Variants in DGKB observed in about 807,000 individuals in gnomAD.
DGKB encodes the protein 90 kDa diacylglycerol kinase.
A neutral mutation model predicts 114.3 loss-of-function variants in DGKB; 67 were observed. The observed-to-expected ratio is 0.59, with a 90% confidence interval of 0.48 to 0.72. The LOEUF (loss-of-function observed/expected upper bound fraction) is 0.72. DGKB is among the 30% of genes least tolerant of loss of function. The pLI, the probability that DGKB is intolerant of heterozygous loss-of-function variation, is 0.00. For synonymous variants in DGKB, 398 were observed against 323.1 expected (o/e 1.23, Z -2.49); for missense variants, 907 against 975.2 (o/e 0.93, Z 0.93).
intron 23 of DGKB, among the ~76,000 whole-genome samples, chr7:14,295,609 A>AC (rs1176934975): frequency 4.4e-4 from 67 of 152,060 alleles, no homozygotes; most frequent in African/African-American, 1.6e-3. Flanking sequence ...GTTTATTTTC[A>AC]ATACAACTAT....
At chr7:14,857,262 G>GTGTGTGTGTGTGGGTGTGTC (rs1850308878) in intron 1 of DGKB, among the ~76,000 whole-genome samples, 1 of 150,676 alleles carries the variant, frequency 6.6e-6, no homozygotes, top group East Asian at 2.0e-4. Flanking sequence ...GTGTGTTTGT[G>GTGTGTGTGTGTGGGTGTGTC]TGTGTGTGTG....
intron 1 of DGKB, among the ~76,000 whole-genome samples, chr7:14,850,259 T>G (rs952400153): frequency 2.6e-5 from 4 of 152,174 alleles, no homozygotes; most frequent in African/African-American, 9.7e-5. Flanking sequence ...GAAGACTGAC[T>G]CATCAACCCT....
intron 20 of DGKB, among the ~76,000 whole-genome samples, chr7:14,557,182 A>G (rs985788406): frequency 6.6e-6 from 1 of 152,298 alleles, no homozygotes; most frequent in South Asian, 2.1e-4. Context: ...CTTAAATTTA[A>G]GAACCACTAT....
At chr7:14,347,922 G>A (rs1209975817) in intron 21 of DGKB, among the ~76,000 whole-genome samples, 2 of 151,882 alleles carry the variant, frequency 1.3e-5, no homozygotes, top group Non-Finnish European at 2.9e-5. Flanking sequence ...CCTTAATAAA[G>A]CTGGGGAATA....
At chr7:14,568,643 A>G (rs1797941534) in intron 20 of DGKB, among the ~76,000 whole-genome samples, 1 of 152,160 alleles carries the variant, frequency 6.6e-6, no homozygotes. Flanking sequence ...GTGAGGAAAA[A>G]CTGATTTTTA....
At chr7:14,907,540 C>T (rs1490263868), upstream of DGKB, among the ~76,000 whole-genome samples, 2 of 152,218 alleles carry the variant, frequency 1.3e-5, no homozygotes, top group African/African-American at 4.8e-5. Context: ...TGTGCGCTTA[C>T]ATGTATACGT....
At chr7:14,464,995 CAG>C (rs1373842895) in intron 21 of DGKB, among the ~76,000 whole-genome samples, 3 of 152,248 alleles carry the variant, frequency 2.0e-5, no homozygotes, top group African/African-American at 7.2e-5. Flanking sequence ...GTAGCAGCGA[CAG>C]GGGCGACTCT....
At chr7:14,627,931 A>C (rs1327741292) in intron 14 of DGKB, among the ~76,000 whole-genome samples, 3 of 139,720 alleles carry the variant, frequency 2.1e-5, no homozygotes, top group Non-Finnish European at 4.6e-5. Context: ...AGACAGAGTG[A>C]GACCTTGTCT....
intron 6 of DGKB, among the ~76,000 whole-genome samples, chr7:14,709,243 A>G (rs1453832252): frequency 6.6e-6 from 1 of 151,956 alleles, no homozygotes; most frequent in Non-Finnish European, 1.5e-5. Context: ...CATCAGAGAA[A>G]TGCAAATCAA....
chr7:14,470,849 T>C (rs1370726423), intron 21 of DGKB, among the ~76,000 whole-genome samples: 1 of 151,614 alleles, frequency 6.6e-6, no homozygotes, highest in African/African-American at 2.4e-5. Context: ...ATCATCATGA[T>C]GTAAGACAAT....
intron 1 of DGKB, among the ~76,000 whole-genome samples, chr7:14,928,051 CTG>C (rs1346983839): frequency 6.6e-6 from 1 of 151,866 alleles, no homozygotes; most frequent in Non-Finnish European, 1.5e-5. Context: ...ATGAAATAGT[CTG>C]TGAATTTGAA....
intron 21 of DGKB, among the ~76,000 whole-genome samples, chr7:14,414,239 A>C (rs145989860): frequency 0.018 from 2,751 of 152,238 alleles, 90 homozygotes; most frequent in African/African-American, 0.061. Flanking sequence ...AGTTCGAGAT[A>C]AGTGAGTATA....
Position 14,718,634 on chromosome 7 carries a change from G to C in DGKB, c.374C>G (p.Ala125Gly). Residue 125 changes from alanine to glycine, a missense_variant, in exon 6 of 26, where the codon GCA becomes GGA. This residue lies in a region of DGKB where 814 missense variants were observed against 856.6 expected (regional missense o/e 0.95). Coordinates refer to ENST00000402815, the MANE Select transcript of DGKB (RefSeq NM_001350709.2). ...GATTACTTCTGGGGAACACGTATTT[G>C]CAGGAGAAGTAGTCCGGGGAGGGGT... ...AITPPRTTSP[A>G]NTCSPEVIHL... 1.9e-6 allele frequency: 3 copies of C among 1,612,190 alleles called. No individual in the cohort carries two copies.
At position 14,146,326 on chromosome 7, in the gene DGKB, T is replaced by G. The variant is rs943634598; in HGVS notation, c.*2805A>C. On this transcript the variant is annotated 3_prime_UTR_variant, in exon 26 of 26. Coordinates refer to ENST00000402815, the MANE Select transcript of DGKB (RefSeq NM_001350709.2). ...CTCATCAACTCAGTGCCTAGCAATG[T>G]TTAGCAGAGTGCATGTCTCTTTTCC... The G allele has an allele frequency of 3.9e-5, 6 of 152,340 alleles. No homozygotes were observed. Among genetic ancestry groups the G allele is most frequent in the Admixed American group, 2.6e-4 (4 of 15,294 alleles). 9.4% of individuals were successfully genotyped at this position (152,340 alleles called of 1,614,324 possible). A position where few individuals can be genotyped will look rare whatever the true frequency, so the allele number is the denominator to read the frequency against.
intron 13 of DGKB, among the ~76,000 whole-genome samples, chr7:14,643,428 G>A (rs142659360): frequency 6.6e-6 from 1 of 152,258 alleles, no homozygotes; most frequent in East Asian, 1.9e-4. Context: ...ATTATTTTGA[G>A]GGAAGAACCA....
At chr7:14,898,083 T>C (rs1431832500) in intron 1 of DGKB, among the ~76,000 whole-genome samples, 2 of 151,950 alleles carry the variant, frequency 1.3e-5, no homozygotes, top group Admixed American at 1.3e-4. Context: ...TGGAACCATA[T>C]AGAAAGACTG....
At chr7:14,844,353 G>C (rs1300452912) in intron 1 of DGKB, among the ~76,000 whole-genome samples, 1 of 152,156 alleles carries the variant, frequency 6.6e-6, no homozygotes, top group African/African-American at 2.4e-5. Flanking sequence ...AACTAGACAG[G>C]GGTAAGCAAA....
intron 1 of DGKB, among the ~76,000 whole-genome samples, chr7:14,865,717 T>C (rs73055020): frequency 0.017 from 2,573 of 151,894 alleles, 24 homozygotes; most frequent in Admixed American, 0.026. Context: ...CAGGGTGGAG[T>C]TGAAGTCGAA....
chr7:14,895,217 T>C (rs781197821), intron 1 of DGKB, among the ~76,000 whole-genome samples: 2 of 151,656 alleles, frequency 1.3e-5, no homozygotes, highest in Non-Finnish European at 3.0e-5. Context: ...GTGGGAGTTA[T>C]GTTTTTGACT....
Sources: allele counts gnomAD v4.1 joint callset (sites outside exome capture counted in the v4.1 genomes callset), GRCh38; gene constraint gnomAD v4.1.1; regional missense constraint gnomAD v4.1.1; transcripts MANE v1.5; gene names NCBI Gene and HGNC (gene_info 2026-07-23, HGNC 2026-07-21).